PCDHGA3: variants seen among roughly 807,000 people sequenced by gnomAD.
PCDHGA3 encodes protocadherin gamma-A3.
Under a neutral mutation model 58.5 loss-of-function variants are expected in PCDHGA3, and 40 were observed. The observed-to-expected ratio is 0.68, with a 90% CI of 0.53 to 0.89. The LOEUF (loss-of-function observed/expected upper bound fraction) is 0.89. PCDHGA3 is among the 40% of genes least tolerant of loss of function. PCDHGA3 has a pLI of 0.00. For synonymous variants in PCDHGA3, 530 were observed against 525.7 expected (o/e 1.01, Z -0.11); for missense variants, 1,223 against 1,195.9 (o/e 1.02, Z -0.33).
At chr5:141,470,574 CA>C (rs1369567985) in intron 1 of PCDHGA3, among the ~76,000 whole-genome samples, 1 of 152,188 alleles carries the variant, frequency 6.6e-6, no homozygotes, top group Non-Finnish European at 1.5e-5. Flanking sequence ...CAAGCAGGAT[CA>C]ACTTCATAGG....
intron 1 of PCDHGA3, chr5:141,355,860 G>T (rs1289299237): frequency 2.5e-6 from 4 of 1,612,220 alleles, no homozygotes; most frequent in Non-Finnish European, 3.4e-6. Flanking sequence ...GAGGTGACCC[G>T]GTTCGCTCTG....
At position 141,344,571 on chromosome 5, in the gene PCDHGA3, C is replaced by T. The variant is rs968234173; in HGVS notation, c.538C>T (p.Leu180=). 1.7e-5 allele frequency: 28 copies of T among 1,613,904 alleles called. No individual in the cohort carries two copies. The Admixed American group carries it at 3.0e-4, about 17-fold the overall frequency. Residue 180 remains leucine (L), a synonymous_variant, in exon 1 of 4, where the codon CTG becomes TTG. Transcript: ENST00000253812. The part of the protein sequence containing the change: ...YKLSPNDYFS[L]AVNSVSEGAK... ...GCTTAGCCCCAATGACTACTTCTCT[C>T]TGGCTGTGAATAGCGTCTCTGAGGG...
At chr5:141,360,170 G>C (rs72790010) in intron 1 of PCDHGA3, 42,447 of 1,607,730 alleles carry the variant, frequency 0.026, 720 homozygotes, top group East Asian at 0.041. Context: ...GGGCTGGTGC[G>C]GTGGCTGCAG....
intron 1 of PCDHGA3, chr5:141,427,884 G>T (rs1346875505): frequency 5.1e-6 from 8 of 1,564,634 alleles, no homozygotes; most frequent in African/African-American, 2.7e-5. Flanking sequence ...GCAGGCCCAC[G>T]ACCAGGGCTC....
intron 1 of PCDHGA3, chr5:141,427,320 G>GT: frequency 2.2e-6 from 1 of 457,086 alleles, no homozygotes; most frequent in Non-Finnish European, 4.4e-6. Context: ...CCCAGACGTG[G>GT]TTTTTACTTC....
At chr5:141,394,373 C>T in intron 1 of PCDHGA3, 12 of 1,614,206 alleles carry the variant, frequency 7.4e-6, no homozygotes, top group Non-Finnish European at 1.0e-5. Context: ...TGCAATCTTT[C>T]GACTATGAGC....
chr5:141,419,103 C>A, intron 1 of PCDHGA3: 1 of 1,613,886 alleles, frequency 6.2e-7, no homozygotes, highest in South Asian at 1.1e-5. Flanking sequence ...CGGGAGCAGA[C>A]CCCAGAGTAC....
intron 1 of PCDHGA3, among the ~76,000 whole-genome samples, chr5:141,466,916 GT>G (rs1204028461): frequency 6.6e-6 from 1 of 152,010 alleles, no homozygotes; most frequent in Non-Finnish European, 1.5e-5. Context: ...AAAACTCCTT[GT>G]ATTAGGAATA....
intron 1 of PCDHGA3, chr5:141,366,049 G>C (rs542025009): frequency 1.2e-6 from 2 of 1,614,126 alleles, no homozygotes; most frequent in Non-Finnish European, 1.7e-6. Flanking sequence ...ACGGTTCCAC[G>C]GGCGTGGAGC....
chr5:141,395,197 T>C, intron 1 of PCDHGA3: 1 of 1,614,012 alleles, frequency 6.2e-7, no homozygotes, highest in Non-Finnish European at 8.5e-7. Context: ...TTAACATCCG[T>C]AGATTTTCAT....
At chr5:141,360,619 G>T in intron 1 of PCDHGA3, 1 of 1,614,012 alleles carries the variant, frequency 6.2e-7, no homozygotes, top group East Asian at 2.2e-5. Context: ...GGATTCAGAT[G>T]TTGGTCCTAA....
chr5:141,412,233 A>G (rs866840267), intron 1 of PCDHGA3: 4 of 152,256 alleles, frequency 2.6e-5, no homozygotes, highest in Admixed American at 6.5e-5. Context: ...TTAAAAACCT[A>G]TATCACTACA....
chr5:141,453,201 C>T (rs115660512), intron 1 of PCDHGA3, among the ~76,000 whole-genome samples: 2,052 of 152,204 alleles, frequency 0.013, 46 homozygotes, highest in African/African-American at 0.048. Flanking sequence ...GCAGCCTCAA[C>T]CTCGTGCACT....
chr5:141,437,518 T>C (rs1482415074), intron 1 of PCDHGA3, among the ~76,000 whole-genome samples: 1 of 152,210 alleles, frequency 6.6e-6, no homozygotes, highest in African/African-American at 2.4e-5. Flanking sequence ...ATAAGGCTGA[T>C]GACAAATGAG....
At chr5:141,398,878 C>T in intron 1 of PCDHGA3, 2 of 1,613,968 alleles carry the variant, frequency 1.2e-6, no homozygotes, top group Non-Finnish European at 1.7e-6. Context: ...CAGAGTCAGC[C>T]TTCGGGAAAA....
intron 1 of PCDHGA3, among the ~76,000 whole-genome samples, chr5:141,467,332 C>T (rs985838492): frequency 6.6e-6 from 1 of 152,124 alleles, no homozygotes; most frequent in Non-Finnish European, 1.5e-5. Context: ...GGATTAGAGA[C>T]GTAAGCCACT....
intron 1 of PCDHGA3, chr5:141,417,649 C>G (rs1294192479): frequency 1.2e-6 from 1 of 826,168 alleles, no homozygotes; most frequent in East Asian, 2.8e-5. Flanking sequence ...CCCTCAGCCT[C>G]TAGCCTGGGA....
intron 1 of PCDHGA3, chr5:141,360,312 GGACTTGCCAGCCCGGAAGC>G: frequency 6.2e-7 from 1 of 1,613,976 alleles, no homozygotes; most frequent in Non-Finnish European, 8.5e-7. Context: ...TCAGCGTCCG[GGACTTGCCAGCCCGGAAGC>G]TGCGGGTTAG....
rs777293240 is a variant in PCDHGA3, at chr5:141,393,034, T to A, written c.2424+46577T>A. The A allele has an allele frequency of 1.3e-5, 21 of 1,613,636 alleles. No homozygotes were observed. Among genetic ancestry groups the A allele is most frequent in the Admixed American group, 6.7e-5 (4 of 59,986 alleles). Reference sequence around the variant, plus strand: ...ATCGTCTCCAGAGGTAGGACGCAGCTCTTTGCTCTGAACCCGCGCAGCGGC... The same window carrying A: ...ATCGTCTCCAGAGGTAGGACGCAGCACTTTGCTCTGAACCCGCGCAGCGGC... On this transcript the variant is annotated intron_variant, in intron 1 of 3. Coordinates refer to ENST00000253812, the MANE Select transcript of PCDHGA3 (RefSeq NM_018916.4).
Sources: allele counts gnomAD v4.1 joint callset (sites outside exome capture counted in the v4.1 genomes callset), GRCh38; gene constraint gnomAD v4.1.1; transcripts MANE v1.5; gene names NCBI Gene and HGNC (gene_info 2026-07-23, HGNC 2026-07-21).